The following GPC5 variants were observed in gnomAD, a reference collection of about 807,000 sequenced individuals.
GPC5 encodes glypican-5.
In GPC5, 47 loss-of-function variants were observed where a neutral mutation model predicts 53.9. That is an observed-to-expected ratio of 0.87 (90% CI 0.69 to 1.11). The LOEUF is 1.11. GPC5 is among the 50% of genes most tolerant of loss of function. The pLI is 0.00. For missense variants in GPC5, 748 were observed against 713.1 expected (o/e 1.05, Z -0.56); for synonymous variants, 286 against 263.3 (o/e 1.09, Z -0.84).
chr13:91,575,068 G>A (rs1166292436), intron 2 of GPC5, among the ~76,000 whole-genome samples: 2 of 152,144 alleles, frequency 1.3e-5, no homozygotes, highest in Non-Finnish European at 2.9e-5. Context: ...GGTCTGAAGA[G>A]TAGTGACTGC....
Position 91,653,605 on chromosome 13 carries a change from A to G in GPC5, c.326-39582A>G, listed in dbSNP as rs2034771994. Among the ~76,000 whole-genome samples the G allele has an allele frequency of 2.6e-5, 4 of 152,252 alleles. No homozygotes were observed. In the South Asian group the frequency reaches 8.3e-4, roughly 32 times the overall value. On this transcript the variant is annotated intron_variant, in intron 2 of 7. Coordinates refer to ENST00000377067, the MANE Select transcript of GPC5 (RefSeq NM_004466.6). ...TCTCCATGAACAAAACAAAACAAAA[A>G]CAAAAAAACATAATCAATCAAAGAA...
At chr13:92,653,671 G>A (rs190917894) in intron 7 of GPC5, among the ~76,000 whole-genome samples, 256 of 152,330 alleles carry the variant, frequency 1.7e-3, no homozygotes, top group Non-Finnish European at 2.6e-3. Context: ...GTCTAAAGGA[G>A]CAAGGGTAAG....
intron 7 of GPC5, among the ~76,000 whole-genome samples, chr13:92,653,910 A>G (rs545636399): frequency 3.2e-4 from 49 of 152,332 alleles, no homozygotes; most frequent in African/African-American, 1.2e-3. Context: ...AACTCAGTGA[A>G]GTATGAGAAC....
At chr13:91,981,349 G>T (rs947056509) in intron 6 of GPC5, among the ~76,000 whole-genome samples, 1 of 151,644 alleles carries the variant, frequency 6.6e-6, no homozygotes, top group East Asian at 2.0e-4. Flanking sequence ...GAGTGCAGTG[G>T]CGCGATCTCG....
chr13:91,403,729 A>G (rs1877118857), intron 1 of GPC5, among the ~76,000 whole-genome samples: 1 of 152,196 alleles, frequency 6.6e-6, no homozygotes, highest in Admixed American at 6.5e-5. Context: ...TTTGATGTCT[A>G]AGAGAATCAC....
At chr13:92,370,530 GAAA>G (rs200732490) in intron 7 of GPC5, among the ~76,000 whole-genome samples, 3 of 95,486 alleles carry the variant, frequency 3.1e-5, no homozygotes, top group African/African-American at 1.1e-4. Context: ...CAAAGAAACA[GAAA>G]AAAAAAACAG....
chr13:92,328,667 A>G (rs1338937462), intron 7 of GPC5, among the ~76,000 whole-genome samples: 2 of 152,104 alleles, frequency 1.3e-5, no homozygotes, highest in African/African-American at 4.8e-5. Context: ...ATCTTTTGCA[A>G]TTTATTCGCA....
intron 7 of GPC5, among the ~76,000 whole-genome samples, chr13:92,760,622 T>G (rs1220722986): frequency 6.6e-6 from 1 of 152,078 alleles, no homozygotes; most frequent in East Asian, 1.9e-4. Context: ...TCTATTGATT[T>G]TTTTCCTATG....
intron 7 of GPC5, among the ~76,000 whole-genome samples, chr13:92,506,355 A>G (rs1232503436): frequency 1.3e-5 from 2 of 152,170 alleles, no homozygotes; most frequent in Non-Finnish European, 2.9e-5. Context: ...ATTTCAAAAT[A>G]AAAGTTTGAT....
At position 91,650,750 on chromosome 13, in the gene GPC5, G is replaced by GTTTTTTTTTTTTTTTTTTT. The variant is rs67507888; in HGVS notation, c.326-42433_326-42415dup. On this transcript the variant is annotated intron_variant, in intron 2 of 7. Coordinates refer to ENST00000377067, the MANE Select transcript of GPC5 (RefSeq NM_004466.6). ...CATCTGTGAAACAAAATTCCCATAA[G>GTTTTTTTTTTTTTTTTTTT]TTTTTTTTTTTTTTTTTTTTTTAGC... 2.7e-3 allele frequency among the ~76,000 whole-genome samples: 272 copies of GTTTTTTTTTTTTTTTTTTT among 99,574 alleles called. 11 individuals carry two copies. The highest frequency in any genetic ancestry group is 5.5e-3 in the African/African-American group (135 of 24,654). 65.3% of individuals were successfully genotyped at this position (99,574 alleles called of 152,430 possible).
At chr13:92,226,755 C>T (rs2042489759) in intron 7 of GPC5, among the ~76,000 whole-genome samples, 1 of 151,958 alleles carries the variant, frequency 6.6e-6, no homozygotes, top group African/African-American at 2.4e-5. Context: ...CTGGCCATCA[C>T]ACCCAGCTGA....
At chr13:92,579,867 T>C (rs1883319634) in intron 7 of GPC5, among the ~76,000 whole-genome samples, 1 of 152,194 alleles carries the variant, frequency 6.6e-6, no homozygotes, top group Admixed American at 6.6e-5. Flanking sequence ...TATCATAAGC[T>C]AGCTTTTTCA....
chr13:92,760,061 T>C (rs1875098044), intron 7 of GPC5, among the ~76,000 whole-genome samples: 1 of 152,142 alleles, frequency 6.6e-6, no homozygotes, highest in Non-Finnish European at 1.5e-5. Context: ...CAGGATTAAA[T>C]GCCACTTGTT....
intron 2 of GPC5, among the ~76,000 whole-genome samples, chr13:91,543,502 A>G (rs2030088591): frequency 6.7e-6 from 1 of 150,294 alleles, no homozygotes; most frequent in Non-Finnish European, 1.5e-5. Context: ...TATTTTTCTC[A>G]GTCTCTTAAT....
intron 7 of GPC5, among the ~76,000 whole-genome samples, chr13:92,579,428 G>A (rs1457664052): frequency 3.3e-5 from 5 of 151,394 alleles, no homozygotes; most frequent in African/African-American, 1.2e-4. Flanking sequence ...ATGCTGCTTG[G>A]GGCAACAGGA....
intron 7 of GPC5, among the ~76,000 whole-genome samples, chr13:92,392,771 C>A (rs1875068288): frequency 6.6e-6 from 1 of 152,124 alleles, no homozygotes; most frequent in South Asian, 2.1e-4. Flanking sequence ...AGAAGACATA[C>A]ATGTGGCCAA....
chr13:92,108,978 C>T (rs1430831174), intron 6 of GPC5, among the ~76,000 whole-genome samples: 2 of 151,952 alleles, frequency 1.3e-5, no homozygotes, highest in Non-Finnish European at 2.9e-5. Context: ...TCAAACAGAC[C>T]CTCATAATCA....
At chr13:91,999,624 A>C (rs1157872155) in intron 6 of GPC5, among the ~76,000 whole-genome samples, 2 of 152,176 alleles carry the variant, frequency 1.3e-5, no homozygotes, top group African/African-American at 2.4e-5. Flanking sequence ...ATAATCAATA[A>C]ATAGTCATTC....
chr13:91,478,844 CACATTATATATATAT>C (rs1397202524), intron 2 of GPC5, among the ~76,000 whole-genome samples: 3 of 99,768 alleles, frequency 3.0e-5, no homozygotes, highest in East Asian at 3.1e-4. Context: ...CATATATATA[CACATTATATATATAT>C]ACACACACAT....
Sources: allele counts gnomAD v4.1 joint callset (sites outside exome capture counted in the v4.1 genomes callset), GRCh38; gene constraint gnomAD v4.1.1; transcripts MANE v1.5; gene names NCBI Gene and HGNC (gene_info 2026-07-23, HGNC 2026-07-21).